The following ZNF846 variants were observed in gnomAD, a reference collection of about 807,000 sequenced individuals.
ZNF846 encodes zinc finger protein 846.
Under a neutral mutation model 16.0 loss-of-function variants are expected in ZNF846, and 15 were observed. That is an observed-to-expected ratio of 0.94 (90% CI 0.63 to 1.45). ZNF846 has a LOEUF of 1.45. Among genes scored for constraint, ZNF846 ranks in the 40% most tolerant of loss-of-function variants. The pLI, the probability that ZNF846 is intolerant of heterozygous loss-of-function variation, is 0.00. For missense variants in ZNF846, 714 were observed against 622.3 expected (o/e 1.15, Z -1.57); for synonymous variants, 229 against 212.0 (o/e 1.08, Z -0.70).
upstream of ZNF846, among the ~76,000 whole-genome samples, chr19:9,773,422 G>T (rs959944195): frequency 3.9e-5 from 6 of 152,270 alleles, no homozygotes; most frequent in African/African-American, 1.2e-4. Flanking sequence ...GTGTGTGTGT[G>T]TGTCTGTGTG....
chr19:9,776,896 T>G (rs995034870), intron 1 of ZNF846, among the ~76,000 whole-genome samples: 4 of 151,888 alleles, frequency 2.6e-5, no homozygotes, highest in Non-Finnish European at 4.4e-5. Context: ...CTAGGTGAAG[T>G]TGCTTAGCAG....
intron 1 of ZNF846, among the ~76,000 whole-genome samples, chr19:9,777,118 A>G (rs1036353105): frequency 3.3e-5 from 5 of 151,180 alleles, no homozygotes; most frequent in African/African-American, 1.2e-4. Flanking sequence ...AAAAAAAAGA[A>G]GAAGAAGAAC....
upstream of ZNF846, among the ~76,000 whole-genome samples, chr19:9,769,510 C>T (rs1599396480): frequency 1.3e-5 from 2 of 151,788 alleles, no homozygotes; most frequent in African/African-American, 2.4e-5. Context: ...GGATTATAGG[C>T]GTGAGCCACC....
exon 6 of ZNF846, chr19:9,757,524 G>C (rs1384951134): frequency 6.2e-7 from 1 of 1,610,752 alleles, no homozygotes; most frequent in South Asian, 1.1e-5. Context: ...AAGTGCTGAA[G>C]ATTGAGTGAA....
chr19:9,748,704 AC>A (rs1568317174), downstream of ZNF846, among the ~76,000 whole-genome samples: 1 of 152,170 alleles, frequency 6.6e-6, no homozygotes, highest in African/African-American at 2.4e-5. Flanking sequence ...TCAGCCTTCA[AC>A]TTAAAAAAGA....
exon 6 of ZNF846, chr19:9,757,519 C>G (rs765015007): frequency 6.2e-7 from 1 of 1,609,416 alleles, no homozygotes; most frequent in Non-Finnish European, 8.5e-7. Flanking sequence ...TTAGCAAGTG[C>G]TGAAGATTGA....
chr19:9,766,371 G>A lies in ZNF846; in HGVS notation c.-85-1336C>T, dbSNP rs148281075. 3.7e-3 allele frequency among the ~76,000 whole-genome samples: 513 copies of A among 138,810 alleles called. 19 individuals are homozygous for A. In the East Asian group the frequency reaches 0.089, roughly 24 times the overall value. 91.1% of individuals were successfully genotyped at this position (138,810 alleles called of 152,430 possible). On this transcript the variant is annotated intron_variant, in intron 1 of 5. Transcript: ENST00000397902. ...AGAAATTACAGTGAGCCAAGATTGCGCCACTGCACTCCAGCCTGGTGACAG... is the reference window on the plus strand; with the variant it reads ...AGAAATTACAGTGAGCCAAGATTGCACCACTGCACTCCAGCCTGGTGACAG...
upstream of ZNF846, among the ~76,000 whole-genome samples, chr19:9,769,759 T>A (rs1186584340): frequency 2.0e-5 from 3 of 151,908 alleles, no homozygotes; most frequent in African/African-American, 7.3e-5. Flanking sequence ...GTGGAACACG[T>A]GAGTTCAGGA....
chr19:9,776,806 A>C (rs1387474316), intron 1 of ZNF846, among the ~76,000 whole-genome samples: 2 of 152,152 alleles, frequency 1.3e-5, no homozygotes, highest in African/African-American at 4.8e-5. Context: ...AAGGCTACAG[A>C]CTTGGAGGTC....
At chr19:9,777,128 C>T (rs899440866) in intron 1 of ZNF846, among the ~76,000 whole-genome samples, 3 of 148,842 alleles carry the variant, frequency 2.0e-5, no homozygotes, top group East Asian at 2.0e-4. Context: ...AGAAGAAGAA[C>T]GAAAGAAAAC....
intron 1 of ZNF846, among the ~76,000 whole-genome samples, chr19:9,777,938 A>G (rs1407362218): frequency 6.6e-6 from 1 of 152,226 alleles, no homozygotes; most frequent in Non-Finnish European, 1.5e-5. Flanking sequence ...AACAATACAG[A>G]AAAAACCCAG....
chr19:9,753,335 T>C (rs2045103814), downstream of ZNF846, among the ~76,000 whole-genome samples: 1 of 150,950 alleles, frequency 6.6e-6, no homozygotes, highest in African/African-American at 2.5e-5. Flanking sequence ...CACTGCAAGC[T>C]CTGCCTCCCA....
chr19:9,758,137 C>T (rs746002569), exon 6 of ZNF846: 1 of 1,613,376 alleles, frequency 6.2e-7, no homozygotes, highest in African/African-American at 1.3e-5. Flanking sequence ...TTTCCACATT[C>T]CATACATACA....
At chr19:9,765,985 T>G (rs2045309463) in intron 1 of ZNF846, among the ~76,000 whole-genome samples, 3 of 152,178 alleles carry the variant, frequency 2.0e-5, no homozygotes, top group Admixed American at 2.0e-4. Context: ...GAAAAAATAC[T>G]CTAGTTGACT....
rs2045548053 is a variant in ZNF846, at chr19:9,785,413, G to A, written c.-86+525C>T. Among the ~76,000 whole-genome samples the A allele has an allele frequency of 2.6e-5, 4 of 151,828 alleles. No homozygotes were observed. In the South Asian group the frequency reaches 8.3e-4, roughly 32 times the overall value. On this transcript the variant is annotated intron_variant, in intron 1 of 4. Coordinates refer to the ZNF846 transcript ENST00000586814. ...GGGTTTCACCATGTTGGCCAGTATG[G>A]TCTTAATCGATTGCCCTCGTGATCC...
intron 1 of ZNF846, among the ~76,000 whole-genome samples, chr19:9,766,412 C>CAAA (rs58139573): frequency 4.1e-5 from 3 of 72,372 alleles, no homozygotes; most frequent in Non-Finnish European, 6.7e-5. Context: ...GACTCTGTCA[C>CAAA]AAAAAAAAAA....
At chr19:9,750,932 GTGTT>G (rs1299703966), downstream of ZNF846, among the ~76,000 whole-genome samples, 2 of 152,162 alleles carry the variant, frequency 1.3e-5, no homozygotes, top group East Asian at 1.9e-4. Context: ...TTAATGAAGA[GTGTT>G]TGTTTAACTT....
At chr19:9,753,347 G>T (rs926370904), downstream of ZNF846, among the ~76,000 whole-genome samples, 1 of 150,718 alleles carries the variant, frequency 6.6e-6, no homozygotes, top group Admixed American at 6.6e-5. Flanking sequence ...TGCCTCCCAG[G>T]TTCACACCAT....
intron 1 of ZNF846, among the ~76,000 whole-genome samples, chr19:9,781,689 G>GA (rs2045503028): frequency 1.3e-5 from 2 of 150,668 alleles, no homozygotes; most frequent in South Asian, 4.2e-4. Context: ...AAAGCAAGTG[G>GA]AAAAAACAAA....
Sources: allele counts gnomAD v4.1 joint callset (sites outside exome capture counted in the v4.1 genomes callset), GRCh38; gene constraint gnomAD v4.1.1; transcripts MANE v1.5; gene names NCBI Gene and HGNC (gene_info 2026-07-23, HGNC 2026-07-21).